The following DAAM2 variants were observed in gnomAD, a reference collection of about 807,000 sequenced individuals.
DAAM2 encodes the protein disheveled-associated activator of morphogenesis 2.
A neutral mutation model predicts 120.7 loss-of-function variants in DAAM2; 39 were observed. The observed-to-expected ratio is 0.32, with a 90% CI of 0.25 to 0.42. The LOEUF (loss-of-function observed/expected upper bound fraction) is 0.42, where lower values mean the gene tolerates loss of function less well. DAAM2 is among the 10% of genes least tolerant of loss of function. The pLI is 1.00. For synonymous variants in DAAM2, 488 were observed against 524.9 expected, an observed-to-expected ratio of 0.93 and a Z score of 0.96; for missense variants, 1,283 against 1,401.7, an observed-to-expected ratio of 0.92 and a Z score of 1.35.
intron 21 of DAAM2, among the ~76,000 whole-genome samples, chr6:39,897,990 G>A (rs1189776363): frequency 6.6e-6 from 1 of 152,122 alleles, no homozygotes; most frequent in African/African-American, 2.4e-5. Flanking sequence ...CATGTCTCAG[G>A]GTCTGCTTCT....
At chr6:39,830,485 GTCT>G (rs973353505) in intron 1 of DAAM2, among the ~76,000 whole-genome samples, 4 of 152,160 alleles carry the variant, frequency 2.6e-5, no homozygotes, top group African/African-American at 9.7e-5. Context: ...TGAGGCCTGC[GTCT>G]TCTTCATCGT....
At position 39,901,459 on chromosome 6, in the gene DAAM2, G is replaced by T. The variant is rs199589116; in HGVS notation, c.2969G>T (p.Arg990Leu). ...RRKEEEERRA[R>L]MEAMLKEQRE... ...AAGGAGGAGGAGGAGCGGCGGGCGCGCATGGAAGCCATGGTGAGGGGCAGT... is the reference window on the plus strand; with the variant it reads ...AAGGAGGAGGAGGAGCGGCGGGCGCTCATGGAAGCCATGGTGAGGGGCAGT... Residue 990 changes from arginine (R) to leucine (L), a missense_variant, in exon 24 of 25, where the codon CGC (arginine) becomes CTC (leucine). Transcript: ENST00000274867. This position sits in a 1 kb window ranked among gnomAD's most constrained non-coding sequence, Gnocchi z 4.5. 3,156 of 1,607,480 alleles carry T rather than the reference G, an allele frequency of 2.0e-3. 7 individuals are homozygous for T. The highest frequency in any genetic ancestry group is 2.2e-3 in the Non-Finnish European group (2,570 of 1,179,284).
chr6:39,819,390 A>G (rs893142879), intron 1 of DAAM2: 5 of 152,230 alleles, frequency 3.3e-5, no homozygotes, highest in Non-Finnish European at 5.9e-5. Flanking sequence ...TACCTCCTCC[A>G]GTACTAACAT....
chr6:39,845,012 AC>A (rs563937680), intron 1 of DAAM2, among the ~76,000 whole-genome samples: 101 of 140,554 alleles, frequency 7.2e-4, no homozygotes, highest in African/African-American at 1.7e-3. Flanking sequence ...ACACATACAC[AC>A]CCCCCCACAC....
At position 39,878,086 on chromosome 6, in the gene DAAM2, G is replaced by A; in HGVS notation, c.1302-117G>A. 9.5e-7 allele frequency: 1 copy of A among 1,047,140 alleles called. No individual in the cohort carries two copies. The highest frequency in any genetic ancestry group is 1.4e-6 in the Non-Finnish European group (1 of 703,650). 64.9% of individuals were successfully genotyped at this position (1,047,140 alleles called of 1,614,324 possible). On this transcript the variant is annotated intron_variant, in intron 11 of 24. Transcript: ENST00000274867. The surrounding 1 kb of genome is among the most constrained non-coding windows in gnomAD (Gnocchi z 5.0). ...GTCTAAATCCTAGCCCCCTTGATGT[G>A]GCTGGACAGATTGGAGACCAGGGTC... is the stretch of plus-strand genomic sequence containing the variant.
chr6:39,860,227 T>G (rs1201679102), intron 2 of DAAM2, among the ~76,000 whole-genome samples: 2 of 152,232 alleles, frequency 1.3e-5, no homozygotes, highest in Non-Finnish European at 2.9e-5. Context: ...TTGGAAAGTT[T>G]GGACTAGCCT....
At chr6:39,873,146 A>G in intron 9 of DAAM2, 92 bp from the exon 10 acceptor site, 1 of 805,062 alleles carries the variant, frequency 1.2e-6, no homozygotes, top group South Asian at 1.5e-5. Flanking sequence ...TTCCTATGAG[A>G]CAGGGCATAG....
At chr6:39,831,448 T>G (rs939592908) in intron 1 of DAAM2, among the ~76,000 whole-genome samples, 2 of 152,018 alleles carry the variant, frequency 1.3e-5, no homozygotes, top group African/African-American at 4.8e-5. Context: ...CCCCACAATC[T>G]TTGAGGCAGA....
intron 1 of DAAM2, among the ~76,000 whole-genome samples, chr6:39,810,543 C>T (rs1368264055): frequency 6.6e-6 from 1 of 152,168 alleles, no homozygotes; most frequent in Admixed American, 6.5e-5. Context: ...ATCCCCTCTA[C>T]CCAGAGGTAC....
chr6:39,824,048 A>T (rs1321209389), intron 1 of DAAM2, among the ~76,000 whole-genome samples: 1 of 152,080 alleles, frequency 6.6e-6, no homozygotes, highest in Non-Finnish European at 1.5e-5. Context: ...TCTGTCTTGT[A>T]CATTAGGAGT....
rs1426700889 is a variant in DAAM2, at chr6:39,878,331, C to A, written c.1360+70C>A. 6.2e-7 allele frequency: 1 copy of A among 1,610,046 alleles called. No individual in the cohort carries two copies. Among genetic ancestry groups the A allele is most frequent in the Non-Finnish European group, 8.5e-7 (1 of 1,177,282 alleles). On this transcript the variant is annotated intron_variant, in intron 12 of 24. Transcript: ENST00000274867. This position sits in a 1 kb window ranked among gnomAD's most constrained non-coding sequence, Gnocchi z 5.0. ...CCCCTGCCCAGCCCATAACTCCATG[C>A]CCTTCCAGGCAGGGAGTCACATTAC...
Position 39,880,416 on chromosome 6 carries a change from T to C in DAAM2, c.1845+939T>C, listed in dbSNP as rs1765067214. On this transcript the variant is annotated intron_variant, in intron 14 of 24. Coordinates refer to ENST00000274867, the MANE Select transcript of DAAM2 (RefSeq NM_001201427.2). Reference sequence around the variant, plus strand: ...CAGCTATCTGCCAGGGGTCTTCTCCTAATGGTAGACCAGCTAGCCTGTCAA... The same window carrying C: ...CAGCTATCTGCCAGGGGTCTTCTCCCAATGGTAGACCAGCTAGCCTGTCAA... Among the ~76,000 whole-genome samples, 3 of 152,278 alleles carry C rather than the reference T, an allele frequency of 2.0e-5. No individual in the cohort carries two copies. The South Asian group carries it at 6.2e-4, about 32-fold the overall frequency.
chr6:39,851,972 CG>C (rs1047865124), intron 1 of DAAM2, among the ~76,000 whole-genome samples: 14 of 152,176 alleles, frequency 9.2e-5, no homozygotes, highest in Admixed American at 7.9e-4. Context: ...GCTGGAGCCA[CG>C]AGAAGCGTTG....
At chr6:39,850,952 A>G (rs1016886005) in intron 1 of DAAM2, among the ~76,000 whole-genome samples, 1 of 152,210 alleles carries the variant, frequency 6.6e-6, no homozygotes, top group Non-Finnish European at 1.5e-5. Context: ...CTAGGCTTAG[A>G]GTAAGAATAC....
intron 1 of DAAM2, among the ~76,000 whole-genome samples, chr6:39,824,110 G>T (rs1410365760): frequency 6.6e-6 from 1 of 152,142 alleles, no homozygotes; most frequent in Non-Finnish European, 1.5e-5. Flanking sequence ...AGCTCTGGGG[G>T]CCTTCTGTGC....
intron 21 of DAAM2, among the ~76,000 whole-genome samples, chr6:39,897,643 G>T (rs1288632277): frequency 1.3e-5 from 2 of 152,150 alleles, no homozygotes; most frequent in Non-Finnish European, 2.9e-5. Flanking sequence ...TTGGGAAGCA[G>T]GCTCTGAGTG....
intron 19 of DAAM2, among the ~76,000 whole-genome samples, chr6:39,896,193 C>A (rs1766074812): frequency 1.1e-5 from 1 of 91,892 alleles, no homozygotes; most frequent in South Asian, 4.2e-4. Context: ...TCTGAATAAT[C>A]TTTTTTTCTT....
At chr6:39,822,187 CA>C (rs946661442) in intron 1 of DAAM2, 9 of 152,332 alleles carry the variant, frequency 5.9e-5, no homozygotes, top group African/African-American at 2.2e-4. Flanking sequence ...CTCTGCAGAG[CA>C]AATGCCCCCG....
intron 14 of DAAM2, among the ~76,000 whole-genome samples, chr6:39,881,418 G>A (rs1287462995): frequency 1.3e-5 from 2 of 152,214 alleles, no homozygotes; most frequent in African/African-American, 4.8e-5. Context: ...CAATAATAAT[G>A]TCCATCTCAA....
Sources: allele counts gnomAD v4.1 joint callset (sites outside exome capture counted in the v4.1 genomes callset), GRCh38; gene constraint gnomAD v4.1.1; non-coding constraint Gnocchi (gnomAD v3.1); transcripts MANE v1.5; gene names NCBI Gene and HGNC (gene_info 2026-07-23, HGNC 2026-07-21).